The following PCLO variants were observed in gnomAD, a reference collection of about 807,000 sequenced individuals.
The protein encoded by PCLO is piccolo presynaptic cytomatrix protein.
Under a neutral mutation model 427.5 loss-of-function variants are expected in PCLO, and 82 were observed. The observed-to-expected ratio is 0.19, with a 90% CI of 0.16 to 0.23. The LOEUF is 0.23. PCLO is among the 10% of genes least tolerant of loss of function. PCLO has a pLI of 1.00. For missense variants in PCLO, 6,239 were observed against 6,115.9 expected (o/e 1.02, Z -0.67); for synonymous variants, 2,357 against 2,155.4 (o/e 1.09, Z -2.59).
intron 1 of PCLO, among the ~76,000 whole-genome samples, chr7:83,161,003 T>C (rs1347579201): frequency 1.3e-5 from 2 of 152,148 alleles, no homozygotes; most frequent in African/African-American, 2.4e-5. Context: ...AGAAAGACTT[T>C]TTCCAAATAG....
intron 3 of PCLO, among the ~76,000 whole-genome samples, chr7:83,124,069 T>G (rs1282838446): frequency 2.7e-5 from 4 of 148,100 alleles, no homozygotes; most frequent in Admixed American, 1.3e-4. Context: ...AGTACTTCAG[T>G]ACTTTGGGAG....
intron 18 of PCLO, among the ~76,000 whole-genome samples, chr7:82,824,764 A>G (rs111532868): frequency 0.022 from 3,320 of 151,746 alleles, 126 homozygotes; most frequent in African/African-American, 0.076. Flanking sequence ...TTACACGGTG[A>G]AATCCCGTCT....
intron 20 of PCLO, among the ~76,000 whole-genome samples, chr7:82,812,101 T>C (rs1791584296): frequency 6.6e-6 from 1 of 151,500 alleles, no homozygotes; most frequent in Non-Finnish European, 1.5e-5. Context: ...CTCCATTTGC[T>C]GTGTTCCAGA....
chr7:83,099,394 T>TGG (rs1790678969), intron 3 of PCLO, among the ~76,000 whole-genome samples: 1 of 147,490 alleles, frequency 6.8e-6, no homozygotes, highest in East Asian at 2.0e-4. Context: ...TTTTTTTGTT[T>TGG]TTTTTTTTTT....
At chr7:82,925,423 A>G in intron 6 of PCLO, among the ~76,000 whole-genome samples, 1 of 152,138 alleles carries the variant, frequency 6.6e-6, no homozygotes, top group East Asian at 1.9e-4. Context: ...CCTTCCCTTT[A>G]AATAGACTGG....
intron 9 of PCLO, among the ~76,000 whole-genome samples, chr7:82,887,007 T>G (rs1793642874): frequency 6.6e-6 from 1 of 152,194 alleles, no homozygotes; most frequent in Non-Finnish European, 1.5e-5. Context: ...GTATTTGATT[T>G]TTCTCAATCT....
At chr7:82,868,268 T>C (rs1022576543) in intron 10 of PCLO, 3 of 455,632 alleles carry the variant, frequency 6.6e-6, no homozygotes, top group Admixed American at 2.4e-5. Flanking sequence ...CCTTATGTTA[T>C]GCTGGAGTGC....
chr7:83,038,168 TAC>T (rs35358472), intron 3 of PCLO, among the ~76,000 whole-genome samples: 8,261 of 110,336 alleles, frequency 0.075, 1,062 homozygotes, highest in African/African-American at 0.21. Context: ...TATATGTATA[TAC>T]ACACATACAT....
At chr7:82,885,160 A>G (rs1357813869) in intron 9 of PCLO, among the ~76,000 whole-genome samples, 1 of 152,154 alleles carries the variant, frequency 6.6e-6, no homozygotes, top group Non-Finnish European at 1.5e-5. Flanking sequence ...TAATTATTTT[A>G]GATTGGATTC....
chr7:82,922,880 T>C (rs980329316), intron 6 of PCLO, among the ~76,000 whole-genome samples: 2 of 152,062 alleles, frequency 1.3e-5, no homozygotes, highest in Non-Finnish European at 2.9e-5. Context: ...TTTATAAGTA[T>C]AGAAAGCCAT....
chr7:82,861,971 G>A (rs1387680173), intron 10 of PCLO, among the ~76,000 whole-genome samples: 1 of 151,716 alleles, frequency 6.6e-6, no homozygotes, highest in Non-Finnish European at 1.5e-5. Flanking sequence ...GTACTGAGAG[G>A]GAAGTTTATA....
intron 6 of PCLO, among the ~76,000 whole-genome samples, chr7:82,927,005 T>C (rs1794727857): frequency 1.3e-5 from 2 of 152,180 alleles, no homozygotes; most frequent in Admixed American, 6.6e-5. Flanking sequence ...TGAATATAGT[T>C]CTGTTTAACA....
chr7:82,928,208 G>A (rs2116327440), intron 6 of PCLO, among the ~76,000 whole-genome samples: 1 of 152,224 alleles, frequency 6.6e-6, no homozygotes, highest in South Asian at 2.1e-4. Context: ...ATTGTGATTA[G>A]CATAGACTAG....
chr7:83,154,739 T>C lies in PCLO; in HGVS notation c.1893+9A>G, dbSNP rs1031863491. ...GAAGAGTATGGACTCAGTGAATAAA[T>C]GCACTTACCTCCGTTAAATGAGGAT... On this transcript the variant is annotated intron_variant, in intron 2 of 24. Coordinates refer to ENST00000333891, the MANE Select transcript of PCLO (RefSeq NM_033026.6). The C allele has an allele frequency of 1.1e-5, 18 of 1,603,926 alleles. No individual in the cohort carries two copies. The highest frequency in any genetic ancestry group is 1.2e-5 in the Non-Finnish European group (14 of 1,171,044).
chr7:82,927,867 A>C (rs1272557363), intron 6 of PCLO, among the ~76,000 whole-genome samples: 1 of 152,204 alleles, frequency 6.6e-6, no homozygotes, highest in Non-Finnish European at 1.5e-5. Flanking sequence ...GGATATATAG[A>C]CCAAGGTTCA....
At chr7:83,022,498 T>A (rs1788370039) in intron 3 of PCLO, among the ~76,000 whole-genome samples, 2 of 151,838 alleles carry the variant, frequency 1.3e-5, no homozygotes, top group Admixed American at 1.3e-4. Context: ...AAGCTAGGAG[T>A]CTTCCCTTGA....
chr7:82,858,052 T>C (rs929230910), intron 10 of PCLO, among the ~76,000 whole-genome samples: 15 of 152,080 alleles, frequency 9.9e-5, no homozygotes, highest in African/African-American at 3.1e-4. Context: ...CTGATGAACA[T>C]AGATGCAAAA....
intron 3 of PCLO, among the ~76,000 whole-genome samples, chr7:82,999,333 A>G (rs539697802): frequency 1.5e-5 from 2 of 137,912 alleles, no homozygotes; most frequent in East Asian, 4.2e-4. Context: ...TAATAAATAT[A>G]TCCATATATA....
At chr7:83,016,967 A>C (rs1311337728) in intron 3 of PCLO, among the ~76,000 whole-genome samples, 1 of 152,108 alleles carries the variant, frequency 6.6e-6, no homozygotes, top group African/African-American at 2.4e-5. Flanking sequence ...GCCTTCACTT[A>C]AGAATGGCTT....
Sources: allele counts gnomAD v4.1 joint callset (sites outside exome capture counted in the v4.1 genomes callset), GRCh38; gene constraint gnomAD v4.1.1; transcripts MANE v1.5; gene names NCBI Gene and HGNC (gene_info 2026-07-23, HGNC 2026-07-21).